Variants in SDK1 observed in about 807,000 individuals in gnomAD.
The protein encoded by SDK1 is protein sidekick-1.
Under a neutral mutation model 245.5 loss-of-function variants are expected in SDK1, and 157 were observed. The ratio of observed to expected loss-of-function variants is 0.64; its 90% CI spans 0.56 to 0.73. The LOEUF is 0.73. Among genes scored for constraint, SDK1 ranks in the 30% least tolerant of loss-of-function variants. The pLI is 0.00. For missense variants in SDK1, 3,583 were observed against 3,002.3 expected (o/e 1.19, Z -4.52); for synonymous variants, 1,647 against 1,278.5 (o/e 1.29, Z -6.15).
chr7:3,878,383 T>C (rs1781123919), intron 5 of SDK1, among the ~76,000 whole-genome samples: 1 of 152,074 alleles, frequency 6.6e-6, no homozygotes. Context: ...TAGCTGGGCA[T>C]GGTGGCAGGC....
chr7:3,443,979 T>C (rs529146150), intron 1 of SDK1, among the ~76,000 whole-genome samples: 3 of 152,350 alleles, frequency 2.0e-5, no homozygotes, highest in Admixed American at 6.5e-5. Context: ...ATTTCTATCA[T>C]ATACATAGCA....
chr7:4,093,458 C>CAAAAAAAA (rs71032922), intron 22 of SDK1, among the ~76,000 whole-genome samples: 5 of 77,782 alleles, frequency 6.4e-5, no homozygotes, highest in Admixed American at 3.2e-4. Context: ...AAATGGAAAG[C>CAAAAAAAA]AAAAAAAAAA....
intron 5 of SDK1, among the ~76,000 whole-genome samples, chr7:3,846,660 G>T (rs953195880): frequency 6.6e-6 from 1 of 152,138 alleles, no homozygotes. Flanking sequence ...TCCGTTGAAG[G>T]CTAAAATTTC....
At chr7:3,837,960 C>G (rs555494775) in intron 5 of SDK1, among the ~76,000 whole-genome samples, 58 of 152,238 alleles carry the variant, frequency 3.8e-4, no homozygotes, top group African/African-American at 1.4e-3. Context: ...TTGTCCTGAC[C>G]AGGAAGACTT....
At chr7:3,367,916 C>T (rs769271087) in intron 1 of SDK1, among the ~76,000 whole-genome samples, 1 of 152,130 alleles carries the variant, frequency 6.6e-6, no homozygotes, top group Non-Finnish European at 1.5e-5. Context: ...TTAGAATAAA[C>T]CAGAACATTC....
At chr7:3,696,071 G>A (rs1784564533) in intron 4 of SDK1, among the ~76,000 whole-genome samples, 1 of 151,958 alleles carries the variant, frequency 6.6e-6, no homozygotes, top group African/African-American at 2.4e-5. Flanking sequence ...CTTGTCCCTT[G>A]TTCTTATGCA....
intron 17 of SDK1, among the ~76,000 whole-genome samples, chr7:4,018,920 C>G (rs1329419474): frequency 2.0e-5 from 3 of 152,132 alleles, no homozygotes; most frequent in Non-Finnish European, 2.9e-5. Context: ...GATGAGTGTC[C>G]TCTAGCTCCA....
In SDK1 at chr7:4,110,675, G is replaced by A. The variant is rs377118612; in HGVS notation, c.3337G>A (p.Gly1113Ser). 87 of 1,612,960 alleles carry A rather than the reference G, an allele frequency of 5.4e-5. No homozygotes were observed. Among genetic ancestry groups the A allele is most frequent in the African/African-American group, 4.9e-4 (37 of 74,982 alleles). ...TCCCTCTGCACAGGTGGGAGCTATC[G>A]GCGACGAGGAGGAGTGGGTCACCCT... ...WIVEGQVGAIGDEEEWVTLYE... is the reference protein window; with the variant it reads ...WIVEGQVGAISDEEEWVTLYE... The change falls in exon 23 of 45, where the codon GGC (glycine) becomes AGC (serine). Residue 1113 changes from glycine (G) to serine (S), a missense_variant. Gly to Ser is a moderately conservative substitution (Grantham distance 56, BLOSUM62 0). Transcript: ENST00000404826.
At chr7:3,755,492 T>C (rs1232008463) in intron 4 of SDK1, among the ~76,000 whole-genome samples, 2 of 152,128 alleles carry the variant, frequency 1.3e-5, no homozygotes, top group Non-Finnish European at 2.9e-5. Context: ...CTGGATAAAC[T>C]TGAGTGGGAA....
Position 4,042,973 on chromosome 7 carries a change from G to A in SDK1, c.2603-6375G>A, listed in dbSNP as rs571216722. Among the ~76,000 whole-genome samples the A allele has an allele frequency of 4.6e-5, 7 of 152,338 alleles. No individual in the cohort carries two copies. The South Asian group carries it at 1.4e-3, about 32-fold the overall frequency. The stretch of plus-strand genomic sequence containing the variant: ...ATAAAAGCAAGGTTGGCGATTTTTT[G>A]AATTAAACCTAGGGTATTGAGAGAA... On this transcript the variant is annotated intron_variant, in intron 17 of 44. Coordinates refer to ENST00000404826, the MANE Select transcript of SDK1 (RefSeq NM_152744.4).
intron 40 of SDK1, among the ~76,000 whole-genome samples, chr7:4,232,404 TTTC>T (rs1377179905): frequency 9.3e-6 from 1 of 107,584 alleles, no homozygotes; most frequent in Non-Finnish European, 1.9e-5. Flanking sequence ...TTTCTTTTCT[TTTC>T]TTTCTTTTTT....
intron 1 of SDK1, among the ~76,000 whole-genome samples, chr7:3,558,087 G>A (rs965881684): frequency 4.3e-5 from 6 of 140,444 alleles, no homozygotes; most frequent in Non-Finnish European, 7.5e-5. Flanking sequence ...TAGATGCCAC[G>A]TGGCATGCGT....
At chr7:4,078,544 A>G (rs184223501) in intron 21 of SDK1, among the ~76,000 whole-genome samples, 1 of 152,308 alleles carries the variant, frequency 6.6e-6, no homozygotes, top group African/African-American at 2.4e-5. Flanking sequence ...AAACACCCCA[A>G]GCAACAGCAA....
chr7:3,310,937 A>AT (rs1779534579), intron 1 of SDK1, among the ~76,000 whole-genome samples: 1 of 152,136 alleles, frequency 6.6e-6, no homozygotes, highest in Non-Finnish European at 1.5e-5. Flanking sequence ...GATTGATATG[A>AT]TTGTAGGTAA....
chr7:3,600,395 T>G (rs1781215741), intron 1 of SDK1, among the ~76,000 whole-genome samples: 1 of 152,116 alleles, frequency 6.6e-6, no homozygotes, highest in South Asian at 2.1e-4. Flanking sequence ...GTTCTTTCCT[T>G]CCAGTATGTA....
chr7:4,163,150 G>A (rs542997517), intron 32 of SDK1, among the ~76,000 whole-genome samples: 1 of 152,372 alleles, frequency 6.6e-6, no homozygotes, highest in South Asian at 2.1e-4. Context: ...GGGGGCTGCT[G>A]TGCCAGGGAG....
At chr7:3,830,487 A>ATTTTG (rs894222423) in intron 5 of SDK1, among the ~76,000 whole-genome samples, 16 of 152,060 alleles carry the variant, frequency 1.1e-4, no homozygotes, top group African/African-American at 1.9e-4. Context: ...AGTAACCCTA[A>ATTTTG]TTTTGTTTTG....
intron 5 of SDK1, among the ~76,000 whole-genome samples, chr7:3,919,434 AC>A (rs1779509312): frequency 6.6e-6 from 1 of 152,182 alleles, no homozygotes; most frequent in South Asian, 2.1e-4. Flanking sequence ...CCTGCCCTAC[AC>A]CCGTCAAGTG....
At chr7:3,741,971 C>G (rs902435802) in intron 4 of SDK1, among the ~76,000 whole-genome samples, 1 of 133,716 alleles carries the variant, frequency 7.5e-6, no homozygotes, top group Admixed American at 8.1e-5. Flanking sequence ...AATTTGTGTT[C>G]CCATATTGTA....
Sources: gnomAD v4.1 joint callset for allele counts (sites outside exome capture counted in the v4.1 genomes callset) on GRCh38, gnomAD v4.1.1 for gene constraint, MANE v1.5 for transcripts, NCBI Gene and HGNC (gene_info 2026-07-23, HGNC 2026-07-21) for gene names.